Variants in SUSD4 observed in about 807,000 individuals in gnomAD.
SUSD4 encodes the protein sushi domain containing 4.
A neutral mutation model predicts 50.5 loss-of-function variants in SUSD4; 41 were observed. The observed-to-expected ratio is 0.81, with a 90% CI of 0.63 to 1.05. SUSD4 has a LOEUF of 1.05. Ranked by LOEUF, SUSD4 falls within the 50% of genes least tolerant of loss-of-function variation. The pLI, the probability that SUSD4 is intolerant of heterozygous loss-of-function variation, is 0.00. For synonymous variants in SUSD4, 257 were observed against 257.3 expected (o/e 1.00, Z 0.01); for missense variants, 580 against 634.7 (o/e 0.91, Z 0.93).
intron 3 of SUSD4, among the ~76,000 whole-genome samples, chr1:223,272,707 T>C (rs887284150): frequency 1.3e-5 from 2 of 152,042 alleles, no homozygotes; most frequent in Admixed American, 6.5e-5. Flanking sequence ...ATCCACAGAG[T>C]AGATTAAAGG....
intron 3 of SUSD4, among the ~76,000 whole-genome samples, chr1:223,275,213 T>C (rs1390499813): frequency 3.7e-4 from 57 of 152,156 alleles, no homozygotes; most frequent in Non-Finnish European, 1.0e-4. Context: ...CTCAAAAGCA[T>C]AAAACCTCAA....
chr1:223,251,395 C>T (rs1175951892), intron 5 of SUSD4, among the ~76,000 whole-genome samples: 2 of 152,128 alleles, frequency 1.3e-5, no homozygotes, highest in Non-Finnish European at 2.9e-5. Context: ...AGCAAGAACT[C>T]ACTCATCACC....
At chr1:223,302,288 T>G (rs1386720392) in intron 2 of SUSD4, among the ~76,000 whole-genome samples, 1 of 152,184 alleles carries the variant, frequency 6.6e-6, no homozygotes, top group Non-Finnish European at 1.5e-5. Context: ...TACCCAGTCT[T>G]AAGTATGTCT....
intron 3 of SUSD4, among the ~76,000 whole-genome samples, chr1:223,270,953 T>C (rs1016643095): frequency 6.6e-6 from 1 of 152,156 alleles, no homozygotes; most frequent in African/African-American, 2.4e-5. Flanking sequence ...CCCAGAATAA[T>C]CCTAACTGGG....
At chr1:223,277,345 C>A (rs574611686) in intron 3 of SUSD4, among the ~76,000 whole-genome samples, 120 of 151,682 alleles carry the variant, frequency 7.9e-4, no homozygotes, top group African/African-American at 2.7e-3. Flanking sequence ...GGAACCGAGA[C>A]AAGGTTAAGC....
At position 223,229,371 on chromosome 1, in the gene SUSD4, T is replaced by C. The variant is rs756358150; in HGVS notation, c.742A>G (p.Met248Val). ...CAGACGAAATCTCCGTGACTCACCA[T>C]TGGAGGTAGTGGACAGACTTGGGCA... ...LALEVCPLPPMVSHGDFVCHP... is the reference protein window; with the variant it reads ...LALEVCPLPPVVSHGDFVCHP... The change falls in exon 6 of 9, where the codon ATG (methionine) becomes GTG (valine). Residue 248 changes from methionine to valine, a missense_variant. By Grantham distance (21) the Met-to-Val change is conservative. Coordinates refer to ENST00000366878, the MANE Select transcript of SUSD4 (RefSeq NM_017982.4). This position sits in a 1 kb window ranked among gnomAD's most constrained non-coding sequence, Gnocchi z 4.7. 11 of 1,597,550 alleles carry C rather than the reference T, an allele frequency of 6.9e-6. No homozygotes were observed. The highest frequency in any genetic ancestry group is 4.0e-4 in the Middle Eastern group (2 of 5,014).
intron 2 of SUSD4, among the ~76,000 whole-genome samples, chr1:223,354,961 T>C (rs1668575050): frequency 6.6e-6 from 1 of 152,156 alleles, no homozygotes; most frequent in South Asian, 2.1e-4. Flanking sequence ...TTTCTTTCTT[T>C]CTTTCTTTTT....
chr1:223,307,118 C>G (rs993429721), intron 2 of SUSD4, among the ~76,000 whole-genome samples: 2 of 152,154 alleles, frequency 1.3e-5, no homozygotes, highest in Non-Finnish European at 2.9e-5. Context: ...TCCTTGGCCT[C>G]CCAAAGTGCT....
At position 223,221,951 on chromosome 1, in the gene SUSD4, G is replaced by A. The variant is rs1282716717; in HGVS notation, c.*241C>T. Reference sequence around the variant, plus strand: ...ACACCCCTCATCCAAGACCACGCGAGGGCTTCCCTGCTGCCCCGGTTCCCC... The same window carrying A: ...ACACCCCTCATCCAAGACCACGCGAAGGCTTCCCTGCTGCCCCGGTTCCCC... On this transcript the variant is annotated 3_prime_UTR_variant, in exon 9 of 9. Coordinates refer to ENST00000366878, the MANE Select transcript of SUSD4 (RefSeq NM_017982.4). 1 of 487,090 alleles carries A rather than the reference G, an allele frequency of 2.1e-6. No individual in the cohort carries two copies. 30.2% of individuals were successfully genotyped at this position (487,090 alleles called of 1,614,324 possible).
At chr1:223,353,703 G>A (rs1001376413) in intron 2 of SUSD4, among the ~76,000 whole-genome samples, 1 of 152,154 alleles carries the variant, frequency 6.6e-6, no homozygotes, top group Non-Finnish European at 1.5e-5. Context: ...CCGGAGGGCT[G>A]AGCACATTTT....
chr1:223,344,874 T>G (rs1234478460), intron 2 of SUSD4, among the ~76,000 whole-genome samples: 1 of 152,198 alleles, frequency 6.6e-6, no homozygotes, highest in Admixed American at 6.5e-5. Flanking sequence ...CTCCTTGTTA[T>G]GTTCAAGGCT....
Position 223,363,360 on chromosome 1 carries a change from T to TTGCTGCTGC in SUSD4, c.57_65dup (p.Gln20_Gln22dup). 3 of 1,603,588 alleles carry TTGCTGCTGC rather than the reference T, an allele frequency of 1.9e-6. 1 individual carries two copies. Among genetic ancestry groups the TTGCTGCTGC allele is most frequent in the South Asian group, 2.3e-5 (2 of 88,768 alleles). On this transcript the variant is annotated inframe_insertion, in exon 2 of 9. Transcript: ENST00000366878. Reference sequence around the variant, plus strand: ...CCAAGAGTCTCTGGGGGGACTGAGGTTGCTGCTGCTGCTGCTGCTGCTCTA... The same window carrying TTGCTGCTGC: ...CCAAGAGTCTCTGGGGGGACTGAGGTTGCTGCTGCTGCTGCTGCTGCTGCTGCTGCTCTA...
intron 3 of SUSD4, among the ~76,000 whole-genome samples, chr1:223,282,524 A>C (rs1224866856): frequency 1.3e-5 from 2 of 152,178 alleles, no homozygotes; most frequent in Non-Finnish European, 2.9e-5. Context: ...TAGGAATCCA[A>C]CTTACAAGGG....
chr1:223,315,664 T>A (rs997331167), intron 2 of SUSD4, among the ~76,000 whole-genome samples: 1 of 152,186 alleles, frequency 6.6e-6, no homozygotes, highest in African/African-American at 2.4e-5. Flanking sequence ...TGGTTTTGTC[T>A]ATGCAGGGAG....
At chr1:223,346,364 T>C (rs943875590) in intron 2 of SUSD4, among the ~76,000 whole-genome samples, 5 of 152,202 alleles carry the variant, frequency 3.3e-5, no homozygotes, top group African/African-American at 1.2e-4. Context: ...CATTTTCCTA[T>C]TTATGATTTC....
At chr1:223,293,943 T>A (rs1664664469) in intron 2 of SUSD4, among the ~76,000 whole-genome samples, 1 of 151,904 alleles carries the variant, frequency 6.6e-6, no homozygotes, top group Non-Finnish European at 1.5e-5. Context: ...CCCAGACAGC[T>A]TGGATGAAGG....
At chr1:223,357,695 G>A (rs1468441263) in intron 2 of SUSD4, among the ~76,000 whole-genome samples, 1 of 152,132 alleles carries the variant, frequency 6.6e-6, no homozygotes, top group Admixed American at 6.5e-5. Flanking sequence ...TGTCAATCAC[G>A]CAGATGTCGG....
Position 223,229,066 on chromosome 1 carries a change from A to G in SUSD4, c.916+131T>C, listed in dbSNP as rs1215332849. 2.2e-6 allele frequency: 2 copies of G among 919,804 alleles called. No individual in the cohort carries two copies. The highest frequency in any genetic ancestry group is 1.6e-6 in the Non-Finnish European group (1 of 614,590). The allele number at this position is 919,804 out of a possible 1,614,324, so 57.0% of individuals were successfully genotyped here. ...AGCAGCCCCATCGACCCGCAATGAT[A>G]TGTTTCGATATCCTGTTCCTGACAC... On this transcript the variant is annotated intron_variant, in intron 6 of 8. Coordinates refer to ENST00000366878, the MANE Select transcript of SUSD4 (RefSeq NM_017982.4). The surrounding 1 kb of genome is among the most constrained non-coding windows in gnomAD (Gnocchi z 4.7).
chr1:223,325,287 C>T (rs1666808015), intron 2 of SUSD4, among the ~76,000 whole-genome samples: 1 of 152,092 alleles, frequency 6.6e-6, no homozygotes, highest in South Asian at 2.1e-4. Flanking sequence ...ATTTTTTCCC[C>T]ATGAGCCATG....
Sources: allele counts gnomAD v4.1 joint callset (sites outside exome capture counted in the v4.1 genomes callset), GRCh38; gene constraint gnomAD v4.1.1; non-coding constraint Gnocchi (gnomAD v3.1); transcripts MANE v1.5; gene names NCBI Gene and HGNC (gene_info 2026-07-23, HGNC 2026-07-21).